Variants in ZNF429 observed in about 807,000 individuals in gnomAD.
ZNF429 encodes zinc finger protein 429.
ZNF429 carries 53 observed loss-of-function variants against 56.8 expected under a neutral mutation model. That is an observed-to-expected ratio of 0.93 (90% CI 0.75 to 1.17). The LOEUF (loss-of-function observed/expected upper bound fraction) is 1.17. Among genes scored for constraint, ZNF429 ranks in the 50% most tolerant of loss-of-function variants. The pLI, the probability that ZNF429 is intolerant of heterozygous loss-of-function variation, is 0.00. For missense variants in ZNF429, 849 were observed against 788.4 expected, an observed-to-expected ratio of 1.08 and a Z score of -0.92; for synonymous variants, 278 against 264.7, an observed-to-expected ratio of 1.05 and a Z score of -0.49.
intron 1 of ZNF429, 100 bp downstream of exon 1, chr19:21,505,874 A>C (rs2032113961): frequency 7.5e-7 from 1 of 1,332,604 alleles, no homozygotes; most frequent in Admixed American, 1.8e-5. Context: ...AGTCAGCTCC[A>C]CAATCTGCGC....
rs1377891467 is a variant in ZNF429, at chr19:21,529,523, C to T, written c.4-135C>T. 1.2e-5 allele frequency: 14 copies of T among 1,198,222 alleles called. No individual in the cohort carries two copies. In the Admixed American group the frequency reaches 5.2e-4, roughly 44 times the overall value. The allele number at this position is 1,198,222 out of a possible 1,614,324, so 74.2% of individuals were successfully genotyped here. On this transcript the variant is annotated intron_variant, in intron 1 of 3. Transcript: ENST00000358491. Reference sequence around the variant, plus strand: ...TTAGTTTATTGAATAATTTCAGTCACTTGTATAAGTCAGAAGCAGTTCTCT... The same window carrying T: ...TTAGTTTATTGAATAATTTCAGTCATTTGTATAAGTCAGAAGCAGTTCTCT...
At chr19:21,519,466 A>G (rs1288863103) in intron 1 of ZNF429, among the ~76,000 whole-genome samples, 2 of 152,240 alleles carry the variant, frequency 1.3e-5, no homozygotes, top group Non-Finnish European at 1.5e-5. Flanking sequence ...CCTAGGTAAC[A>G]GCCATCTGGG....
rs10406824 is a variant in ZNF429, at chr19:21,538,687, T to C, written c.*609T>C. 0.2 allele frequency: 29,878 copies of C among 152,170 alleles called. 3,022 individuals are homozygous for C. Among genetic ancestry groups the C allele is most frequent in the African/African-American group, 0.22 (9,193 of 41,492 alleles). 9.4% of individuals were successfully genotyped at this position (152,170 alleles called of 1,614,324 possible). A position where few individuals can be genotyped will look rare whatever the true frequency, so the allele number is the denominator to read the frequency against. On this transcript the variant is annotated 3_prime_UTR_variant, in exon 4 of 4. Coordinates refer to ENST00000358491, the MANE Select transcript of ZNF429 (RefSeq NM_001001415.4). ...AGAATGTGGCAAAACTCGTTTTAAC[T>C]AATGCTCACATCTTATTGCATAGAA...
chr19:21,537,674 G>A lies in ZNF429; in HGVS notation c.1621G>A (p.Glu541Lys), dbSNP rs2033761346. 1 of 1,613,222 alleles carries A rather than the reference G, an allele frequency of 6.2e-7. No individual in the cohort carries two copies. The highest frequency in any genetic ancestry group is 8.5e-7 in the Non-Finnish European group (1 of 1,179,870). ...TGGAGAGAAACCTTACAAATGTGAA[G>A]AATGTGGCAAAGCTTTTAACCGGTC... is the stretch of plus-strand genomic sequence containing the variant. The part of the protein sequence containing the change: ...HTGEKPYKCE[E>K]CGKAFNRSSR... Residue 541 changes from glutamate to lysine, a missense_variant, in exon 4 of 4, where the codon GAA (glutamate) becomes AAA (lysine). Physicochemically the swap from Glu to Lys is moderately conservative, Grantham distance 56. Coordinates refer to ENST00000358491, the MANE Select transcript of ZNF429 (RefSeq NM_001001415.4).
At chr19:21,525,446 C>G (rs951056765) in intron 1 of ZNF429, among the ~76,000 whole-genome samples, 9 of 151,714 alleles carry the variant, frequency 5.9e-5, no homozygotes, top group African/African-American at 2.2e-4. Flanking sequence ...ACAGGGTCCA[C>G]TCTTTGGCCC....
In ZNF429 at chr19:21,520,431, A is replaced by C. The variant is rs112851411; in HGVS notation, c.4-9227A>C. On this transcript the variant is annotated intron_variant, in intron 1 of 3. Coordinates refer to ENST00000358491, the MANE Select transcript of ZNF429 (RefSeq NM_001001415.4). Reference sequence around the variant, plus strand: ...TTCTTAAAGCATTTAGATTATATGTAGATATTTTTCTCTGATTTTTGGAAA... The same window carrying C: ...TTCTTAAAGCATTTAGATTATATGTCGATATTTTTCTCTGATTTTTGGAAA... 4.0e-3 allele frequency among the ~76,000 whole-genome samples: 606 copies of C among 152,320 alleles called. 7 individuals are homozygous for C. Among genetic ancestry groups the C allele is most frequent in the African/African-American group, 0.01 (434 of 41,578 alleles).
intron 1 of ZNF429, among the ~76,000 whole-genome samples, chr19:21,513,612 A>G (rs1223237866): frequency 6.6e-6 from 1 of 152,170 alleles, no homozygotes; most frequent in African/African-American, 2.4e-5. Context: ...CTTGGTGTTA[A>G]GCAAACTCTA....
At position 21,536,456 on chromosome 19, in the gene ZNF429, C is replaced by A. The variant is rs1322671540; in HGVS notation, c.403C>A (p.Gln135Lys). 2 of 1,613,400 alleles carry A rather than the reference C, an allele frequency of 1.2e-6. No homozygotes were observed. The highest frequency in any genetic ancestry group is 1.7e-5 in the Admixed American group (1 of 59,896). The change falls in exon 4 of 4, where the codon CAA (glutamine) becomes AAA (lysine). Residue 135 changes from glutamine to lysine, a missense_variant. Transcript: ENST00000358491. ...CAAAGGAGGTTATAATGGACTTAAC[C>A]AATGTTTGACACTTACCCAGAGCAA... is the stretch of plus-strand genomic sequence containing the variant. ...LYKGGYNGLN[Q>K]CLTLTQSKMY...
chr19:21,514,688 C>T (rs1228636103), intron 1 of ZNF429, among the ~76,000 whole-genome samples: 1 of 151,980 alleles, frequency 6.6e-6, no homozygotes, highest in African/African-American at 2.4e-5. Flanking sequence ...ACCTCCACCT[C>T]CCAGATTCAA....
chr19:21,530,843 C>T, intron 3 of ZNF429, among the ~76,000 whole-genome samples, 159 bp downstream of exon 3: 1 of 152,094 alleles, frequency 6.6e-6, no homozygotes, highest in African/African-American at 2.4e-5. Context: ...CAGTGGTTCA[C>T]ACGTGTAATC....
At chr19:21,534,992 CTTTT>C in intron 3 of ZNF429, among the ~76,000 whole-genome samples, 2 of 126,290 alleles carry the variant, frequency 1.6e-5, no homozygotes, top group African/African-American at 3.0e-5. Context: ...TGTGTTTTTT[CTTTT>C]TTTTTTTTTT....
At position 21,538,311 on chromosome 19, in the gene ZNF429, T is replaced by G; in HGVS notation, c.*233T>G. Among the ~76,000 whole-genome samples the G allele has an allele frequency of 8.7e-6, 1 of 115,452 alleles. No homozygotes were observed. Among genetic ancestry groups the G allele is most frequent in the East Asian group, 2.7e-4 (1 of 3,656 alleles). The allele number at this position is 115,452 out of a possible 152,430, so 75.7% of individuals were successfully genotyped here. ...AAAAAAAAAAAAAAGAAAAGAAAAT[T>G]CATAGGCCAGGTATGGTGGCTCATG... On this transcript the variant is annotated 3_prime_UTR_variant, in exon 4 of 4. Coordinates refer to ENST00000358491, the MANE Select transcript of ZNF429 (RefSeq NM_001001415.4).
At position 21,526,769 on chromosome 19, in the gene ZNF429, C is replaced by G. The variant is rs543902383; in HGVS notation, c.4-2889C>G. Among the ~76,000 whole-genome samples the G allele has an allele frequency of 7.9e-5, 12 of 152,278 alleles. No homozygotes were observed. In the South Asian group the frequency reaches 2.5e-3, roughly 32 times the overall value. ...TAATTTCTGACAGACAACCTTGTAT[C>G]AGCCCACTTGGGGGTGTCTCTCAGG... On this transcript the variant is annotated intron_variant, in intron 1 of 3. Transcript: ENST00000358491.
At chr19:21,529,935 C>T in intron 2 of ZNF429, 151 bp downstream of exon 2, 77,200 of 479,144 alleles carry the variant, frequency 0.16, 6,995 homozygotes, top group Middle Eastern at 0.2. Flanking sequence ...TCTTGGCTCA[C>T]GCCTGTAATC....
rs746210263 is a variant in ZNF429 at position 21,537,954 on chromosome 19, C to G, written c.1901C>G (p.Ser634Ter). ...EECAKAFTRS[S>*]RLTQHKKIHR... is the part of the protein sequence containing the mutation. Reference sequence around the variant, plus strand: ...TGTGCCAAAGCTTTTACCCGGTCTTCAAGACTTACTCAACATAAGAAAATT... The same window carrying G: ...TGTGCCAAAGCTTTTACCCGGTCTTGAAGACTTACTCAACATAAGAAAATT... Residue 634 changes from serine to a stop codon, truncating the protein, a stop_gained, in exon 4 of 4, where the codon TCA becomes TGA. Coordinates refer to ENST00000358491, the MANE Select transcript of ZNF429 (RefSeq NM_001001415.4). LOFTEE classifies it high-confidence loss of function. 11 of 1,613,874 alleles carry G rather than the reference C, an allele frequency of 6.8e-6. No individual in the cohort carries two copies. The highest frequency in any genetic ancestry group is 9.3e-6 in the Non-Finnish European group (11 of 1,180,010).
Position 21,536,528 on chromosome 19 carries a change from A to C in ZNF429, c.475A>C (p.Asn159His). 6.2e-7 allele frequency: 1 copy of C among 1,612,838 alleles called. No homozygotes were observed. Among genetic ancestry groups the C allele is most frequent in the Non-Finnish European group, 8.5e-7 (1 of 1,179,530 alleles). Residue 159 changes from asparagine to histidine, a missense_variant, in exon 4 of 4, where the codon AAT becomes CAT. Asn to His is a moderately conservative substitution (Grantham distance 68). Transcript: ENST00000358491. ...TGTAAAAGTCTTTTATGCATTTTCAAATGCAGATAGATACAAGACAAGACA... is the reference window on the plus strand; with the variant it reads ...TGTAAAAGTCTTTTATGCATTTTCACATGCAGATAGATACAAGACAAGACA... Reference protein sequence around the residue: ...IYVKVFYAFSNADRYKTRHTG... With the variant: ...IYVKVFYAFSHADRYKTRHTG...
chr19:21,512,297 G>A (rs1378468542), intron 1 of ZNF429, among the ~76,000 whole-genome samples: 1 of 152,030 alleles, frequency 6.6e-6, no homozygotes, highest in Non-Finnish European at 1.5e-5. Context: ...GTTTTAGCTG[G>A]CTCCTTTACT....
intron 1 of ZNF429, among the ~76,000 whole-genome samples, chr19:21,524,566 T>C (rs1299342289): frequency 6.6e-6 from 1 of 152,024 alleles, no homozygotes; most frequent in Non-Finnish European, 1.5e-5. Context: ...AGAGTATTCT[T>C]GTCCTTCCTC....
intron 1 of ZNF429, chr19:21,507,522 A>G (rs1421501599): frequency 6.6e-6 from 1 of 152,192 alleles, no homozygotes; most frequent in Non-Finnish European, 1.5e-5. Flanking sequence ...TTCCCTAGGC[A>G]TAGAGATTTT....
Sources: gnomAD v4.1 joint callset for allele counts (sites outside exome capture counted in the v4.1 genomes callset) on GRCh38, gnomAD v4.1.1 for gene constraint, MANE v1.5 for transcripts, NCBI Gene and HGNC (gene_info 2026-07-23, HGNC 2026-07-21) for gene names.